The following ATAD2 variants were observed in gnomAD, a reference collection of about 807,000 sequenced individuals.
ATAD2 encodes the protein ATPase family AAA domain-containing protein 2.
Under a neutral mutation model 168.9 loss-of-function variants are expected in ATAD2, and 62 were observed. The ratio of observed to expected loss-of-function variants is 0.37; its 90% CI spans 0.30 to 0.45. ATAD2 has a LOEUF of 0.45. ATAD2 is among the 20% of genes least tolerant of loss of function. The pLI is 1.00. For synonymous variants in ATAD2, 613 were observed against 571.6 expected (o/e 1.07, Z -1.03); for missense variants, 1,419 against 1,667.8 (o/e 0.85, Z 2.60).
chr8:123,328,693 G>A, intron 24 of ATAD2, 114 bp from the exon 25 acceptor site: 2 of 1,085,682 alleles, frequency 1.8e-6, no homozygotes, highest in East Asian at 5.7e-5. Context: ...ACAGTATTTT[G>A]TATGATTAAA....
chr8:123,393,645 G>A (rs1260287416), intron 1 of ATAD2, among the ~76,000 whole-genome samples: 6 of 152,158 alleles, frequency 3.9e-5, no homozygotes, highest in South Asian at 2.1e-4. Flanking sequence ...GGTCAGGCGC[G>A]GTGGTTCATG....
intron 24 of ATAD2, among the ~76,000 whole-genome samples, chr8:123,331,577 T>TTCA (rs535669252): frequency 6.6e-4 from 101 of 152,308 alleles, no homozygotes; most frequent in Non-Finnish European, 1.2e-3. Flanking sequence ...TTATACTGGA[T>TTCA]TCATTTGTCT....
rs940865916 is a variant in ATAD2, at chr8:123,396,420, G to T, written c.-63C>A. 2.1e-6 allele frequency: 3 copies of T among 1,430,344 alleles called. No individual in the cohort carries two copies. In the African/African-American group the frequency reaches 4.5e-5, roughly 21 times the overall value. 88.6% of individuals were successfully genotyped at this position (1,430,344 alleles called of 1,614,324 possible). On this transcript the variant is annotated 5_prime_UTR_variant, in exon 1 of 28. The change creates a new upstream start codon in the 5' untranslated region. Coordinates refer to ENST00000287394, the MANE Select transcript of ATAD2 (RefSeq NM_014109.4). ...AGAGATCCAGCTCCAGGCGCTCGCA[G>T]CTCTGGCTCTTCCGCGCTCCGAATT...
At chr8:123,342,663 CCACT>C (rs1307570701) in intron 19 of ATAD2, 1 of 152,116 alleles carries the variant, frequency 6.6e-6, no homozygotes, top group Non-Finnish European at 1.5e-5. Context: ...AGGACCTCCC[CCACT>C]CAAAGAGTTT....
intron 26 of ATAD2, among the ~76,000 whole-genome samples, chr8:123,324,582 G>A (rs1262643165): frequency 6.6e-6 from 1 of 152,150 alleles, no homozygotes; most frequent in Non-Finnish European, 1.5e-5. Flanking sequence ...AGAGGTGATG[G>A]CTATTCCAAA....
At chr8:123,326,920 T>A (rs577639553) in intron 25 of ATAD2, among the ~76,000 whole-genome samples, 1 of 152,228 alleles carries the variant, frequency 6.6e-6, no homozygotes, top group East Asian at 1.9e-4. Flanking sequence ...TTTCTTTTTT[T>A]TTGAGATGGA....
chr8:123,408,342 A>G (rs924090883), intron 1 of ATAD2, among the ~76,000 whole-genome samples: 2 of 152,174 alleles, frequency 1.3e-5, no homozygotes, highest in Non-Finnish European at 2.9e-5. Context: ...AAACCTGGCA[A>G]TAAGGATTCA....
rs1441347899 is a variant in ATAD2, at chr8:123,402,048, T to C, written c.-2281-873A>G. ...GAGCTCAAGTTTGAGAAGCGTACCATGTCGGCCCAGATTGAGGGTGGCGTC... is the reference window on the plus strand; with the variant it reads ...GAGCTCAAGTTTGAGAAGCGTACCACGTCGGCCCAGATTGAGGGTGGCGTC... On this transcript the variant is annotated intron_variant, in intron 1 of 28. Coordinates refer to the ATAD2 transcript ENST00000521903. This position sits in a 1 kb window ranked among gnomAD's most constrained non-coding sequence, Gnocchi z 4.8. The C allele has an allele frequency of 6.0e-6, 9 of 1,511,004 alleles. No individual in the cohort carries two copies. In the East Asian group the frequency reaches 6.8e-5, roughly 11 times the overall value. 93.6% of individuals were successfully genotyped at this position (1,511,004 alleles called of 1,614,324 possible). A position where few individuals can be genotyped will look rare whatever the true frequency, so the allele number is the denominator to read the frequency against.
chr8:123,375,323 C>T (rs1027320230), intron 2 of ATAD2, among the ~76,000 whole-genome samples: 2 of 152,124 alleles, frequency 1.3e-5, no homozygotes, highest in African/African-American at 4.8e-5. Context: ...AAATCAGAAC[C>T]ACAGTGAGAT....
intron 1 of ATAD2, among the ~76,000 whole-genome samples, chr8:123,382,873 C>T (rs1348208892): frequency 6.6e-6 from 1 of 152,142 alleles, no homozygotes; most frequent in African/African-American, 2.4e-5. Flanking sequence ...ATAAATCATT[C>T]TACTATAAAA....
chr8:123,347,467 C>G, intron 15 of ATAD2, 61 bp from the exon 16 acceptor site: 3 of 1,416,632 alleles, frequency 2.1e-6, no homozygotes, highest in Non-Finnish European at 2.9e-6. Context: ...ACACAAAACT[C>G]TATTAGCATG....
rs748131615 is a variant in ATAD2 at position 123,380,494 on chromosome 8, C to T, written c.320+35G>A. On this transcript the variant is annotated intron_variant, in intron 2 of 27. Transcript: ENST00000287394. ...CAAATCCTAAATTACTGCTTTAAAA[C>T]TATTTTGAATTAGTGTTCAACCACC... 6 of 1,603,752 alleles carry T rather than the reference C, an allele frequency of 3.7e-6. No homozygotes were observed. The African/African-American group carries it at 4.0e-5, about 11-fold the overall frequency.
intron 19 of ATAD2, among the ~76,000 whole-genome samples, chr8:123,343,657 T>C (rs1302317262): frequency 1.3e-5 from 2 of 152,242 alleles, no homozygotes; most frequent in South Asian, 2.1e-4. Flanking sequence ...ACAATATGCT[T>C]GTTATGTGCT....
At chr8:123,338,594 G>A (rs565740750) in intron 20 of ATAD2, among the ~76,000 whole-genome samples, 2 of 152,276 alleles carry the variant, frequency 1.3e-5, no homozygotes, top group South Asian at 4.1e-4. Flanking sequence ...AAACTACTAA[G>A]GGAGTAAGAG....
Position 123,372,633 on chromosome 8 carries a change from T to G in ATAD2, c.370+4A>C. ...AGATCTGAAATGACTTTAACAGTAC[T>G]TACCTTCTCTGTGCTCTTCTTTTTT... is the stretch of plus-strand genomic sequence containing the variant. On this transcript the variant is annotated splice_donor_region_variant and intron_variant, in intron 3 of 27. Coordinates refer to ENST00000287394, the MANE Select transcript of ATAD2 (RefSeq NM_014109.4). 2 of 1,585,078 alleles carry G rather than the reference T, an allele frequency of 1.3e-6. No individual in the cohort carries two copies. Among genetic ancestry groups the G allele is most frequent in the Non-Finnish European group, 1.7e-6 (2 of 1,166,994 alleles).
chr8:123,358,217 G>A (rs147138425), intron 11 of ATAD2, among the ~76,000 whole-genome samples: 8 of 152,232 alleles, frequency 5.3e-5, no homozygotes, highest in African/African-American at 1.9e-4. Flanking sequence ...GGGTCTCACT[G>A]TCAGCTAGGC....
At chr8:123,360,550 A>G (rs1211341164) in intron 9 of ATAD2, among the ~76,000 whole-genome samples, 1 of 152,078 alleles carries the variant, frequency 6.6e-6, no homozygotes, top group African/African-American at 2.4e-5. Context: ...ACCATGCTGG[A>G]CAGGCTGGAA....
chr8:123,327,716 A>C (rs942524550), intron 25 of ATAD2, among the ~76,000 whole-genome samples: 1 of 152,232 alleles, frequency 6.6e-6, no homozygotes, highest in African/African-American at 2.4e-5. Context: ...AGTAGAATAA[A>C]TATAAATAAT....
intron 1 of ATAD2, among the ~76,000 whole-genome samples, chr8:123,403,591 C>T (rs932849628): frequency 1.3e-5 from 2 of 152,130 alleles, no homozygotes; most frequent in African/African-American, 2.4e-5. Flanking sequence ...CATGCACCAC[C>T]ACGCCAGGAT....
Sources: allele counts gnomAD v4.1 joint callset (sites outside exome capture counted in the v4.1 genomes callset), GRCh38; gene constraint gnomAD v4.1.1; non-coding constraint Gnocchi (gnomAD v3.1); transcripts MANE v1.5; gene names NCBI Gene and HGNC (gene_info 2026-07-23, HGNC 2026-07-21).